Variants in ADGRG7 observed in about 807,000 individuals in gnomAD.
ADGRG7 encodes the protein G-protein coupled receptor 128.
A neutral mutation model predicts 88.6 loss-of-function variants in ADGRG7; 82 were observed. The ratio of observed to expected loss-of-function variants is 0.93; its 90% CI spans 0.77 to 1.11. ADGRG7 has a LOEUF of 1.11. ADGRG7 is among the 50% of genes most tolerant of loss of function. ADGRG7 has a pLI of 0.00. For synonymous variants in ADGRG7, 381 were observed against 345.2 expected (o/e 1.10, Z -1.15); for missense variants, 945 against 953.4 (o/e 0.99, Z 0.12).
chr3:100,659,689 T>G lies in ADGRG7; in HGVS notation c.1825T>G (p.Cys609Gly), dbSNP rs757282529. 8 of 1,613,248 alleles carry G rather than the reference T, an allele frequency of 5.0e-6. No individual in the cohort carries two copies. In the African/African-American group the frequency reaches 9.3e-5, roughly 19 times the overall value. ...WELDYRQEKI[C>G]WLAIPEPNGV... ...AGCAATTTTTTTTTTCCTCCACAGCTGCTGGCTGGCAATTCCAGAACCCAA... is the reference window on the plus strand; with the variant it reads ...AGCAATTTTTTTTTTCCTCCACAGCGGCTGGCTGGCAATTCCAGAACCCAA... The change falls in exon 14 of 16, where the codon TGC becomes GGC. Residue 609 changes from cysteine (C) to glycine (G), a missense_variant and splice_region_variant. Physicochemically the swap from Cys to Gly is radical, Grantham distance 159 (BLOSUM62 -3). Transcript: ENST00000273352.
At chr3:100,654,231 T>C (rs1317051690) in intron 11 of ADGRG7, 2 of 152,282 alleles carry the variant, frequency 1.3e-5, no homozygotes, top group Non-Finnish European at 2.9e-5. Context: ...GTTATGACTT[T>C]TATGTTCCCC....
intron 8 of ADGRG7, among the ~76,000 whole-genome samples, chr3:100,645,733 A>G (rs76896210): frequency 1.3e-5 from 2 of 149,150 alleles, no homozygotes; most frequent in African/African-American, 2.5e-5. Flanking sequence ...TGAAGCTCAG[A>G]AAAAAAAAAA....
intron 15 of ADGRG7, among the ~76,000 whole-genome samples, chr3:100,693,394 C>G (rs1286425509): frequency 6.6e-6 from 1 of 152,188 alleles, no homozygotes; most frequent in Non-Finnish European, 1.5e-5. Flanking sequence ...TGTCTCCAAG[C>G]ACACACTGTC....
chr3:100,682,457 T>A (rs976594628), intron 15 of ADGRG7, among the ~76,000 whole-genome samples: 5 of 152,190 alleles, frequency 3.3e-5, no homozygotes, highest in Admixed American at 6.5e-5. Flanking sequence ...GCCAAGTTCC[T>A]GCGCCTGGGG....
chr3:100,659,333 G>A (rs1003940815), intron 13 of ADGRG7, among the ~76,000 whole-genome samples: 11 of 151,246 alleles, frequency 7.3e-5, no homozygotes, highest in African/African-American at 2.2e-4. Flanking sequence ...CCAGCTACTC[G>A]GGAGGCTGAG....
chr3:100,694,898 G>A lies in ADGRG7; in HGVS notation c.2291G>A (p.Arg764Lys). The A allele has an allele frequency of 1.2e-6, 2 of 1,614,124 alleles. No homozygotes were observed. Among genetic ancestry groups the A allele is most frequent in the Non-Finnish European group, 1.7e-6 (2 of 1,180,018 alleles). ...CGTGTAAAGATGTATAATTTCCTCA[G>A]GTCATTGCCAACCTTACATGAACGC... ...RLRVKMYNFL[R>K]SLPTLHERFR... The change falls in exon 16 of 16, where the codon AGG (arginine) becomes AAG (lysine). Residue 764 changes from arginine (R) to lysine (K), a missense_variant. Arg to Lys is a conservative substitution (Grantham distance 26, BLOSUM62 2). Transcript: ENST00000273352.
At chr3:100,649,013 A>G (rs1707803338) in intron 10 of ADGRG7, among the ~76,000 whole-genome samples, 1 of 152,204 alleles carries the variant, frequency 6.6e-6, no homozygotes, top group Admixed American at 6.5e-5. Context: ...GCATCTTTCC[A>G]TATTTATGAA....
intron 15 of ADGRG7, among the ~76,000 whole-genome samples, chr3:100,690,404 C>T (rs906642578): frequency 6.6e-6 from 1 of 152,154 alleles, no homozygotes; most frequent in Non-Finnish European, 1.5e-5. Context: ...CAGCTTTGTT[C>T]CATTGAGGAG....
At chr3:100,694,441 GA>G (rs1246336829) in intron 15 of ADGRG7, among the ~76,000 whole-genome samples, 1 of 152,174 alleles carries the variant, frequency 6.6e-6, no homozygotes, top group African/African-American at 2.4e-5. Context: ...CTTCCTTCAG[GA>G]AGTTGAAGAT....
chr3:100,660,886 A>T (rs897179903), intron 14 of ADGRG7, among the ~76,000 whole-genome samples: 23 of 149,984 alleles, frequency 1.5e-4, no homozygotes, highest in African/African-American at 4.7e-4. Context: ...CAGGAGGTGG[A>T]GGTTGTGGTG....
chr3:100,627,243 CTGTTT>C (rs1320652470), intron 1 of ADGRG7, among the ~76,000 whole-genome samples: 1 of 152,050 alleles, frequency 6.6e-6, no homozygotes, highest in Non-Finnish European at 1.5e-5. Flanking sequence ...TGAAGATGTT[CTGTTT>C]TATTTCTCGT....
chr3:100,690,316 C>T (rs1005891453), intron 15 of ADGRG7, among the ~76,000 whole-genome samples: 3 of 151,544 alleles, frequency 2.0e-5, no homozygotes, highest in Non-Finnish European at 4.4e-5. Flanking sequence ...GCCATGGGTT[C>T]GAACTTCCTC....
intron 3 of ADGRG7, among the ~76,000 whole-genome samples, chr3:100,632,327 C>T (rs534470186): frequency 5.9e-5 from 9 of 152,008 alleles, no homozygotes; most frequent in African/African-American, 1.9e-4. Context: ...CAGATTGAGC[C>T]TATAATTTTA....
At chr3:100,644,102 G>A (rs1293154416) in intron 8 of ADGRG7, among the ~76,000 whole-genome samples, 2 of 151,906 alleles carry the variant, frequency 1.3e-5, no homozygotes, top group African/African-American at 4.8e-5. Flanking sequence ...TCTCTGTGGT[G>A]CCCACCATGT....
chr3:100,651,006 A>G (rs1229396981), intron 11 of ADGRG7, among the ~76,000 whole-genome samples: 2 of 152,204 alleles, frequency 1.3e-5, no homozygotes, highest in African/African-American at 4.8e-5. Flanking sequence ...AATCAAAAGC[A>G]AAATGATCAT....
chr3:100,672,238 G>A (rs2094959735), intron 15 of ADGRG7, among the ~76,000 whole-genome samples: 1 of 152,140 alleles, frequency 6.6e-6, no homozygotes, highest in Non-Finnish European at 1.5e-5. Flanking sequence ...TCCTTGAGCA[G>A]TAGCTTGCAG....
intron 15 of ADGRG7, among the ~76,000 whole-genome samples, chr3:100,686,951 A>G (rs1236274869): frequency 1.3e-5 from 2 of 152,130 alleles, no homozygotes; most frequent in Admixed American, 1.3e-4. Context: ...TTGGCATTGA[A>G]TCTATAAATT....
Position 100,695,255 on chromosome 3 carries a change from C to T in ADGRG7, c.*254C>T, listed in dbSNP as rs552406902. ...ACAAGAGTACCATTGTTCCTTATATCGTTAAATCTTTGTGACACACTTTGA... is the reference window on the plus strand; with the variant it reads ...ACAAGAGTACCATTGTTCCTTATATTGTTAAATCTTTGTGACACACTTTGA... On this transcript the variant is annotated 3_prime_UTR_variant, in exon 16 of 16. Transcript: ENST00000273352. The T allele has an allele frequency of 5.5e-5, 21 of 381,592 alleles. No homozygotes were observed. The highest frequency in any genetic ancestry group is 4.0e-4 in the South Asian group (8 of 20,084). The allele number at this position is 381,592 out of a possible 1,614,324, so 23.6% of individuals were successfully genotyped here.
chr3:100,666,718 C>G (rs1406479579), intron 14 of ADGRG7, among the ~76,000 whole-genome samples: 4 of 152,174 alleles, frequency 2.6e-5, no homozygotes, highest in Non-Finnish European at 5.9e-5. Flanking sequence ...ACGGTCAGGT[C>G]TTTCCCTTCC....
Sources: allele counts gnomAD v4.1 joint callset (sites outside exome capture counted in the v4.1 genomes callset), GRCh38; gene constraint gnomAD v4.1.1; transcripts MANE v1.5; gene names NCBI Gene and HGNC (gene_info 2026-07-23, HGNC 2026-07-21).